MMP16: variants seen among roughly 807,000 people sequenced by gnomAD.
MMP16 encodes matrix metalloproteinase-16.
MMP16 carries 12 observed loss-of-function variants against 67.8 expected under a neutral mutation model. The observed-to-expected ratio is 0.18, with a 90% confidence interval of 0.11 to 0.29. MMP16 has a LOEUF of 0.29. Ranked by LOEUF, MMP16 falls within the 10% of genes least tolerant of loss-of-function variation. The probability of loss-of-function intolerance (pLI) is 1.00; values close to 1 mark genes in which losing one functional copy is unlikely to be tolerated. For missense variants in MMP16, 475 were observed against 765.7 expected (o/e 0.62, Z 4.48); for synonymous variants, 249 against 255.9 (o/e 0.97, Z 0.26).
At chr8:88,324,567 T>C (rs959539936) in intron 1 of MMP16, among the ~76,000 whole-genome samples, 1 of 152,110 alleles carries the variant, frequency 6.6e-6, no homozygotes, top group Admixed American at 6.6e-5. Context: ...TGAAAAAAAA[T>C]TTTATGATCA....
rs146269135 is a variant in MMP16 at position 88,116,610 on chromosome 8, C to T, written c.980G>A (p.Arg327Gln). 22 of 1,613,626 alleles carry T rather than the reference C, an allele frequency of 1.4e-5. No homozygotes were observed. Among genetic ancestry groups the T allele is most frequent in the African/African-American group, 9.4e-5 (7 of 74,854 alleles). The stretch of plus-strand genomic sequence containing the variant: ...ATAGGAGGGTCTGCCGGTTGGAGGC[C>T]GAGGAGGTTTTGGCCTGTCATTTTT... The part of the protein sequence containing the change: ...PRKNDRPKPP[R>Q]PPTGRPSYPG... The change falls in exon 6 of 10, where the codon CGG (arginine) becomes CAG (glutamine). Residue 327 changes from arginine to glutamine, a missense_variant. Arg to Gln is a conservative substitution (Grantham distance 43). Around this residue, in one of 5 missense-constraint regions of MMP16, gnomAD observed 195 missense variants for 300.9 expected, o/e 0.65. Coordinates refer to ENST00000286614, the MANE Select transcript of MMP16 (RefSeq NM_005941.5).
At chr8:88,171,778 A>G (rs1212548938) in intron 3 of MMP16, among the ~76,000 whole-genome samples, 1 of 152,150 alleles carries the variant, frequency 6.6e-6, no homozygotes, top group Non-Finnish European at 1.5e-5. Context: ...GGAAGAAAAA[A>G]TACTTATTGC....
chr8:88,260,472 G>A (rs917214562), intron 1 of MMP16, among the ~76,000 whole-genome samples: 3 of 151,884 alleles, frequency 2.0e-5, no homozygotes, highest in Non-Finnish European at 4.4e-5. Flanking sequence ...TGAATAGGCT[G>A]CCAAAATAAG....
At chr8:88,091,460 G>A (rs1808934682) in intron 6 of MMP16, among the ~76,000 whole-genome samples, 1 of 151,702 alleles carries the variant, frequency 6.6e-6, no homozygotes. Flanking sequence ...GGTATAGAGT[G>A]TTGCACCATT....
At chr8:88,137,453 AT>A (rs1477329323) in intron 4 of MMP16, among the ~76,000 whole-genome samples, 1 of 151,908 alleles carries the variant, frequency 6.6e-6, no homozygotes, top group Non-Finnish European at 1.5e-5. Flanking sequence ...TCAGGTGCCA[AT>A]TTTATTTTTA....
intron 4 of MMP16, among the ~76,000 whole-genome samples, chr8:88,133,908 T>TA (rs1259569203): frequency 2.6e-5 from 4 of 151,584 alleles, no homozygotes; most frequent in African/African-American, 7.3e-5. Flanking sequence ...TTGAAACATA[T>TA]AAAAAATAAA....
rs1303734939 is a variant in MMP16 at position 88,034,665 on chromosome 8, C to A, written c.*6796G>T. 1.3e-5 allele frequency: 2 copies of A among 151,926 alleles called. No homozygotes were observed. The highest frequency in any genetic ancestry group is 4.8e-5 in the African/African-American group (2 of 41,370). 9.4% of individuals were successfully genotyped at this position (151,926 alleles called of 1,614,324 possible). On this transcript the variant is annotated 3_prime_UTR_variant, in exon 10 of 10. Coordinates refer to ENST00000286614, the MANE Select transcript of MMP16 (RefSeq NM_005941.5). ...CGCTCATATTACTACCAAAATCATT[C>A]ATTCAAGCAAAGTATATTTTATCTT...
rs144427421 is a variant in MMP16 at position 88,196,426 on chromosome 8, A to G, written c.281+732T>C. Among the ~76,000 whole-genome samples the G allele has an allele frequency of 6.4e-4, 97 of 152,284 alleles. 1 individual carries two copies. The East Asian group carries it at 0.017, about 27-fold the overall frequency. On this transcript the variant is annotated intron_variant, in intron 2 of 9. Transcript: ENST00000286614. Reference sequence around the variant, plus strand: ...GCGATTATGTCTATCTATGCAGAAGATAAGAATTAAGCTCCTTTGATGAAG... The same window carrying G: ...GCGATTATGTCTATCTATGCAGAAGGTAAGAATTAAGCTCCTTTGATGAAG...
chr8:88,208,541 T>G (rs1809464087), intron 1 of MMP16, among the ~76,000 whole-genome samples: 1 of 152,044 alleles, frequency 6.6e-6, no homozygotes, highest in Admixed American at 6.5e-5. Flanking sequence ...ACACAACATC[T>G]TATCAGGGGG....
At chr8:88,147,266 C>T (rs1808308943) in intron 4 of MMP16, among the ~76,000 whole-genome samples, 1 of 151,642 alleles carries the variant, frequency 6.6e-6, no homozygotes, top group African/African-American at 2.4e-5. Context: ...TTTACTATGC[C>T]CACTTAACAT....
At chr8:88,141,917 ATGTT>A (rs1808217841) in intron 4 of MMP16, among the ~76,000 whole-genome samples, 1 of 148,480 alleles carries the variant, frequency 6.7e-6, no homozygotes, top group Non-Finnish European at 1.5e-5. Flanking sequence ...GCACATAAAT[ATGTT>A]TTTTTTTTTT....
chr8:88,116,661 C>T lies in MMP16; in HGVS notation c.929G>A (p.Arg310His), dbSNP rs139170994. ...TRPLPTVPPH[R>H]SIPPADPRKN... ...CCTTGGGTCAGCCGGAGGAATAGAG[C>T]GGTGTGGGGGCACTGTCGGTAGAGG... Residue 310 changes from arginine to histidine, a missense_variant, in exon 6 of 10, where the codon CGC (arginine) becomes CAC (histidine). Transcript: ENST00000286614. 1.5e-4 allele frequency: 238 copies of T among 1,613,710 alleles called. 1 individual carries two copies. The highest frequency in any genetic ancestry group is 3.0e-4 in the Admixed American group (18 of 59,958).
chr8:88,187,957 A>G (rs1809100596), intron 2 of MMP16, among the ~76,000 whole-genome samples: 1 of 152,204 alleles, frequency 6.6e-6, no homozygotes, highest in African/African-American at 2.4e-5. Flanking sequence ...CTAAGAGGGT[A>G]TCCAGCTTTA....
At chr8:88,310,440 T>C (rs993130328) in intron 1 of MMP16, among the ~76,000 whole-genome samples, 1 of 152,146 alleles carries the variant, frequency 6.6e-6, no homozygotes, top group Non-Finnish European at 1.5e-5. Flanking sequence ...AAAGGCACCA[T>C]ACTGTCATCC....
At chr8:88,207,424 T>A (rs986488413) in intron 1 of MMP16, among the ~76,000 whole-genome samples, 35 of 152,306 alleles carry the variant, frequency 2.3e-4, no homozygotes, top group African/African-American at 8.2e-4. Flanking sequence ...CTCCACTTAA[T>A]TGCATATCTC....
intron 2 of MMP16, among the ~76,000 whole-genome samples, chr8:88,193,562 T>C (rs1240271827): frequency 6.6e-6 from 1 of 152,026 alleles, no homozygotes; most frequent in Non-Finnish European, 1.5e-5. Flanking sequence ...AAACAATTTA[T>C]TGCATATTTA....
chr8:88,234,997 G>A (rs2129882459), intron 1 of MMP16, among the ~76,000 whole-genome samples: 1 of 152,218 alleles, frequency 6.6e-6, no homozygotes, highest in African/African-American at 2.4e-5. Context: ...TTCTCTTTAT[G>A]TGTTTCTTTC....
chr8:88,321,790 T>C (rs760682144), intron 1 of MMP16, among the ~76,000 whole-genome samples: 20 of 152,158 alleles, frequency 1.3e-4, no homozygotes, highest in Admixed American at 4.6e-4. Flanking sequence ...AGTGACAGTT[T>C]AGTTCACATC....
intron 4 of MMP16, among the ~76,000 whole-genome samples, chr8:88,154,335 A>C (rs201771531): frequency 0.23 from 31,978 of 139,916 alleles, 3,737 homozygotes; most frequent in Middle Eastern, 0.29. Context: ...TAGAACTAGA[A>C]ATACCATTTG....
Sources: gnomAD v4.1 joint callset for allele counts (sites outside exome capture counted in the v4.1 genomes callset) on GRCh38, gnomAD v4.1.1 for gene constraint, gnomAD v4.1.1 regional missense constraint, MANE v1.5 for transcripts, NCBI Gene and HGNC (gene_info 2026-07-23, HGNC 2026-07-21) for gene names.